The following RAB37 variants were observed in gnomAD, a reference collection of about 807,000 sequenced individuals.
The protein encoded by RAB37 is RAB37, member RAS oncogene family.
RAB37 carries 29 observed loss-of-function variants against 33.1 expected under a neutral mutation model. The ratio of observed to expected loss-of-function variants is 0.88; its 90% CI spans 0.65 to 1.20. RAB37 has a LOEUF of 1.20. Ranked by LOEUF, RAB37 falls within the 50% of genes most tolerant of loss-of-function variation. The pLI, the probability that RAB37 is intolerant of heterozygous loss-of-function variation, is 0.00. For missense variants in RAB37, 299 were observed against 301.1 expected, an observed-to-expected ratio of 0.99 and a Z score of 0.05; for synonymous variants, 128 against 119.5, an observed-to-expected ratio of 1.07 and a Z score of -0.47.
At chr17:74,722,165 C>T (rs1207068062) in intron 1 of RAB37, among the ~76,000 whole-genome samples, 1 of 152,000 alleles carries the variant, frequency 6.6e-6, no homozygotes, top group Non-Finnish European at 1.5e-5. Context: ...CGCCTGTAGT[C>T]CCAGATACTT....
rs528177924 is a variant in RAB37, at chr17:74,695,319, C to T, written c.72+23661C>T. Reference sequence around the variant, plus strand: ...GTGACGGTCACGGGGCAGAGGAGCCCTCGGAGGAGGATAGTGGGGATGGAC... The same window carrying T: ...GTGACGGTCACGGGGCAGAGGAGCCTTCGGAGGAGGATAGTGGGGATGGAC... On this transcript the variant is annotated intron_variant, in intron 1 of 7. Coordinates refer to the RAB37 transcript ENST00000340415. The T allele has an allele frequency of 3.5e-5, 55 of 1,581,988 alleles. No individual in the cohort carries two copies. In the East Asian group the frequency reaches 1.2e-3, roughly 33 times the overall value.
intron 1 of RAB37, among the ~76,000 whole-genome samples, chr17:74,723,726 G>A (rs1052407302): frequency 6.6e-6 from 1 of 151,780 alleles, no homozygotes; most frequent in Non-Finnish European, 1.5e-5. Flanking sequence ...CTACAGGCGC[G>A]CATTTTTGCC....
intron 1 of RAB37, chr17:74,712,992 G>T: frequency 1.0e-6 from 1 of 965,576 alleles, no homozygotes; most frequent in Admixed American, 2.3e-5. Context: ...ACTTCCCATG[G>T]GTGAAAGAGA....
chr17:74,739,947 G>A (rs1160337427), intron 1 of RAB37, among the ~76,000 whole-genome samples: 7 of 151,430 alleles, frequency 4.6e-5, no homozygotes, highest in Non-Finnish European at 7.4e-5. Context: ...ACCTGAGGTC[G>A]GGAGTTCAAG....
intron 1 of RAB37, among the ~76,000 whole-genome samples, chr17:74,713,797 T>TCA (rs1254484442): frequency 6.9e-6 from 1 of 145,576 alleles, no homozygotes; most frequent in Non-Finnish European, 1.5e-5. Flanking sequence ...GTACGGTGGC[T>TCA]CACACCTGTA....
rs1284467257 is a variant in RAB37, at chr17:74,711,760, T to C, written c.73-17496T>C. On this transcript the variant is annotated intron_variant, in intron 1 of 7. Coordinates refer to the RAB37 transcript ENST00000340415. ...CTGGGACCCTCTTCAGGGGGGTTGT[T>C]TCAGCCCACCTGACTTACAGCATCC... Among the ~76,000 whole-genome samples the C allele has an allele frequency of 3.9e-5, 6 of 152,290 alleles. No individual in the cohort carries two copies. The East Asian group carries it at 9.6e-4, about 24-fold the overall frequency.
chr17:74,700,988 C>T (rs922112234), intron 1 of RAB37, among the ~76,000 whole-genome samples: 8 of 152,064 alleles, frequency 5.3e-5, no homozygotes, highest in Non-Finnish European at 7.4e-5. Context: ...CGCAGAGGGA[C>T]GACCACGTGA....
rs1200181619 is a variant in RAB37, at chr17:74,730,663, C to T, written c.183+1297C>T. ...CAAACCAGGATGACCTGGTGCCAGG[C>T]GTCACCCACCCCAGCCCAGGCCCAG... On this transcript the variant is annotated intron_variant, in intron 2 of 7. Transcript: ENST00000340415. The surrounding 1 kb of genome is among the most constrained non-coding windows in gnomAD (Gnocchi z 4.4). Among the ~76,000 whole-genome samples, 2 of 152,100 alleles carry T rather than the reference C, an allele frequency of 1.3e-5. No homozygotes were observed. The highest frequency in any genetic ancestry group is 2.9e-5 in the Non-Finnish European group (2 of 68,006).
chr17:74,696,944 G>GTTTGGTTTGC (rs1422635363), intron 1 of RAB37, among the ~76,000 whole-genome samples: 1 of 151,984 alleles, frequency 6.6e-6, no homozygotes, highest in Admixed American at 6.6e-5. Context: ...GTTTGGTTTG[G>GTTTGGTTTGC]TTTGGTTTGG....
At chr17:74,718,947 A>G (rs111352705) in intron 1 of RAB37, among the ~76,000 whole-genome samples, 332 of 152,288 alleles carry the variant, frequency 2.2e-3, no homozygotes, top group African/African-American at 7.0e-3. Context: ...GGAAAAACAT[A>G]AAAAGTATGG....
intron 1 of RAB37, among the ~76,000 whole-genome samples, chr17:74,724,785 G>T (rs566381764): frequency 6.6e-6 from 1 of 152,276 alleles, no homozygotes; most frequent in African/African-American, 2.4e-5. Flanking sequence ...TTAGGGTGGG[G>T]CAGAAACAAA....
chr17:74,737,157 G>T, upstream of RAB37: 1 of 1,564,474 alleles, frequency 6.4e-7, no homozygotes. Flanking sequence ...GGGACGGAGG[G>T]AGGAGCCTGA....
At chr17:74,681,029 C>T (rs2031944154) in intron 1 of RAB37, among the ~76,000 whole-genome samples, 10 of 152,236 alleles carry the variant, frequency 6.6e-5, no homozygotes, top group Admixed American at 6.5e-4. Flanking sequence ...ATTTACTGCG[C>T]ACCACATGCC....
intron 1 of RAB37, among the ~76,000 whole-genome samples, chr17:74,720,174 G>A (rs1000994217): frequency 2.6e-5 from 4 of 152,164 alleles, no homozygotes; most frequent in African/African-American, 9.7e-5. Context: ...TTACTTGCTC[G>A]AACCCACTGG....
Position 74,743,121 on chromosome 17 carries a change from C to G in RAB37, c.247-8C>G. 2 of 1,612,140 alleles carry G rather than the reference C, an allele frequency of 1.2e-6. No individual in the cohort carries two copies. Among genetic ancestry groups the G allele is most frequent in the Middle Eastern group, 1.7e-4 (1 of 6,056 alleles). On this transcript the variant is annotated splice_region_variant and splice_polypyrimidine_tract_variant and intron_variant, in intron 3 of 8. Coordinates refer to ENST00000392613, the MANE Select transcript of RAB37 (RefSeq NM_001006638.3). ...TTCTGACCATTTCTCCATCCCATCCCTTCCCAGATCTGGGACACCGCTGGG... is the reference window on the plus strand; with the variant it reads ...TTCTGACCATTTCTCCATCCCATCCGTTCCCAGATCTGGGACACCGCTGGG...
chr17:74,737,263 G>T lies in RAB37; in HGVS notation c.-10G>T. 1 of 1,557,756 alleles carries T rather than the reference G, an allele frequency of 6.4e-7. No homozygotes were observed. The highest frequency in any genetic ancestry group is 8.6e-7 in the Non-Finnish European group (1 of 1,158,092). The stretch of plus-strand genomic sequence containing the variant: ...TGCGGGCCGGCACTGCTCACCTCTC[G>T]TCCAGGGACATGACGGGCACGCCAG... On this transcript the variant is annotated 5_prime_UTR_variant, in exon 1 of 9. Coordinates refer to ENST00000392613, the MANE Select transcript of RAB37 (RefSeq NM_001006638.3).
chr17:74,745,515 G>C lies in RAB37; in HGVS notation c.*104G>C. On this transcript the variant is annotated 3_prime_UTR_variant, in exon 9 of 9. Coordinates refer to ENST00000392613, the MANE Select transcript of RAB37 (RefSeq NM_001006638.3). The surrounding 1 kb of genome is among the most constrained non-coding windows in gnomAD (Gnocchi z 4.5). Reference sequence around the variant, plus strand: ...GGCTGAGCCAATGGGGAGAAAGATGGAGGACTCACTGCACAGCCGCTTCCT... The same window carrying C: ...GGCTGAGCCAATGGGGAGAAAGATGCAGGACTCACTGCACAGCCGCTTCCT... The C allele has an allele frequency of 5.5e-6, 5 of 916,580 alleles. No homozygotes were observed. The highest frequency in any genetic ancestry group is 8.7e-6 in the Non-Finnish European group (5 of 574,336). 56.8% of individuals were successfully genotyped at this position (916,580 alleles called of 1,614,324 possible).
rs59094915 is a variant in RAB37 at position 74,684,854 on chromosome 17, GAGATAGATAGAT to G, written c.72+13233_72+13244del. Among the ~76,000 whole-genome samples, 514 of 149,112 alleles carry G rather than the reference GAGATAGATAGAT, an allele frequency of 3.4e-3. 2 individuals carry two copies. The highest frequency in any genetic ancestry group is 0.03 in the East Asian group (151 of 5,048). On this transcript the variant is annotated intron_variant, in intron 1 of 7. Coordinates refer to the RAB37 transcript ENST00000340415. ...CATGTGTTTATTTATACATATGTGT[GAGATAGATAGAT>G]AGATAGATAGATAGATAGATAGATA...
intron 1 of RAB37, among the ~76,000 whole-genome samples, chr17:74,714,114 G>C (rs182385545): frequency 5.3e-5 from 8 of 152,082 alleles, no homozygotes; most frequent in Admixed American, 1.3e-4. Flanking sequence ...GGGAGGCCGA[G>C]GTAGGAGAAT....
Sources: gnomAD v4.1 joint callset for allele counts (sites outside exome capture counted in the v4.1 genomes callset) on GRCh38, gnomAD v4.1.1 for gene constraint, Gnocchi (gnomAD v3.1) non-coding constraint, MANE v1.5 for transcripts, NCBI Gene and HGNC (gene_info 2026-07-23, HGNC 2026-07-21) for gene names.